FAM133B: variants seen among roughly 807,000 people sequenced by gnomAD.
The protein encoded by FAM133B is protein FAM133B.
In FAM133B, 25 loss-of-function variants were observed where a neutral mutation model predicts 46.4. The observed-to-expected ratio is 0.54, with a 90% CI of 0.39 to 0.75. The LOEUF (loss-of-function observed/expected upper bound fraction) is 0.75, where lower values mean the gene tolerates loss of function less well. Among genes scored for constraint, FAM133B ranks in the 30% least tolerant of loss-of-function variants. The pLI is 0.00. For missense variants in FAM133B, 205 were observed against 277.6 expected, an observed-to-expected ratio of 0.74 and a Z score of 1.86; for synonymous variants, 75 against 86.0, an observed-to-expected ratio of 0.87 and a Z score of 0.71.
intron 2 of FAM133B, among the ~76,000 whole-genome samples, chr7:92,580,115 C>T (rs1794823682): frequency 6.6e-6 from 1 of 152,032 alleles, no homozygotes; most frequent in African/African-American, 2.4e-5. Context: ...GCTCTGTCAC[C>T]CAAGCTAGAA....
chr7:92,569,194 C>T (rs1016567326), intron 9 of FAM133B, among the ~76,000 whole-genome samples: 4 of 152,136 alleles, frequency 2.6e-5, no homozygotes, highest in Admixed American at 1.3e-4. Flanking sequence ...GTATGTTGAT[C>T]GCTAAAGAAA....
intron 9 of FAM133B, among the ~76,000 whole-genome samples, chr7:92,568,326 T>G (rs899914178): frequency 1.3e-5 from 2 of 152,064 alleles, no homozygotes; most frequent in Non-Finnish European, 2.9e-5. Flanking sequence ...CATTTTGTTT[T>G]TTCTTAAGAT....
Position 92,577,213 on chromosome 7 carries a change from A to G in FAM133B, c.373-18T>C, listed in dbSNP as rs1032684030. ...TTCTTATCCTACATAAAATATTTTTAGAAACATTTGCTTTCTGTCTCAAAA... is the reference window on the plus strand; with the variant it reads ...TTCTTATCCTACATAAAATATTTTTGGAAACATTTGCTTTCTGTCTCAAAA... On this transcript the variant is annotated intron_variant, in intron 6 of 10. Transcript: ENST00000445716. The G allele has an allele frequency of 6.3e-6, 9 of 1,422,122 alleles. No individual in the cohort carries two copies. The African/African-American group carries it at 1.2e-4, about 19-fold the overall frequency. 88.1% of individuals were successfully genotyped at this position (1,422,122 alleles called of 1,614,324 possible). A position where few individuals can be genotyped will look rare whatever the true frequency, so the allele number is the denominator to read the frequency against.
chr7:92,581,405 C>G (rs1794865931), intron 2 of FAM133B, 101 bp downstream of exon 2: 2 of 902,978 alleles, frequency 2.2e-6, no homozygotes, highest in South Asian at 3.3e-5. Context: ...AATTACTTAT[C>G]TGGCAATTGC....
In FAM133B at chr7:92,590,360, G is replaced by T; in HGVS notation, c.-69C>A. 2 of 1,608,292 alleles carry T rather than the reference G, an allele frequency of 1.2e-6. No individual in the cohort carries two copies. Among genetic ancestry groups the T allele is most frequent in the Admixed American group, 1.7e-5 (1 of 59,548 alleles). Reference sequence around the variant, plus strand: ...CCGGAGAGACTGCCGAAGAGGGCCTGCCGCAGGTCCTCTTGCCGCCTCCCC... The same window carrying T: ...CCGGAGAGACTGCCGAAGAGGGCCTTCCGCAGGTCCTCTTGCCGCCTCCCC... On this transcript the variant is annotated 5_prime_UTR_variant, in exon 1 of 11. Transcript: ENST00000445716.
chr7:92,571,280 G>A (rs150063096), intron 8 of FAM133B, among the ~76,000 whole-genome samples: 22 of 152,172 alleles, frequency 1.4e-4, no homozygotes, highest in African/African-American at 4.3e-4. Flanking sequence ...TTTATCAATC[G>A]TATCAGAGAA....
chr7:92,572,197 T>G (rs1050495305), intron 8 of FAM133B, among the ~76,000 whole-genome samples: 1 of 152,136 alleles, frequency 6.6e-6, no homozygotes, highest in Non-Finnish European at 1.5e-5. Context: ...GCAAAGAAAA[T>G]GAAATATGAA....
chr7:92,566,468 GAA>G (rs113291114), intron 9 of FAM133B, among the ~76,000 whole-genome samples: 2 of 138,320 alleles, frequency 1.4e-5, no homozygotes, highest in Admixed American at 7.3e-5. Flanking sequence ...TCTCTACCAA[GAA>G]AAAAAAAAAA....
At chr7:92,584,005 G>C (rs184887676) in intron 1 of FAM133B, among the ~76,000 whole-genome samples, 3 of 133,550 alleles carry the variant, frequency 2.2e-5, no homozygotes, top group Non-Finnish European at 4.6e-5. Context: ...AGCTGAGATT[G>C]TGCCACTTCA....
chr7:92,570,342 C>T (rs558537811), intron 8 of FAM133B, among the ~76,000 whole-genome samples: 2 of 151,854 alleles, frequency 1.3e-5, no homozygotes, highest in African/African-American at 2.4e-5. Context: ...ATTCCTTTAG[C>T]GCAAAGTGTT....
intron 3 of FAM133B, among the ~76,000 whole-genome samples, chr7:92,578,836 A>C (rs914984987): frequency 3.9e-5 from 6 of 152,126 alleles, no homozygotes; most frequent in African/African-American, 9.7e-5. Flanking sequence ...GCTTGAGCTC[A>C]GAAGTTGGAG....
At chr7:92,565,748 A>G (rs1450999732) in intron 10 of FAM133B, 3 of 413,064 alleles carry the variant, frequency 7.3e-6, no homozygotes, top group Non-Finnish European at 1.3e-5. Flanking sequence ...CAGGCGTGAG[A>G]CACAGCGCCC....
rs1794477850 is a variant in FAM133B, at chr7:92,569,914, T to G, written c.518A>C (p.Asp173Ala). 1.5e-6 allele frequency: 2 copies of G among 1,325,614 alleles called. No homozygotes were observed. Among genetic ancestry groups the G allele is most frequent in the Admixed American group, 3.4e-5 (1 of 29,198 alleles). The allele number at this position is 1,325,614 out of a possible 1,614,324, so 82.1% of individuals were successfully genotyped here. ...KSKDGTEKEK[D>A]IKGLSKKRKM... ...TCTCTTTTTGCTGAGTCCTTTAATA[T>G]CCTATGAAAAATAAATACATTTATC... The change falls in exon 9 of 11, where the codon GAT (aspartate) becomes GCT (alanine). Residue 173 changes from aspartate to alanine, a missense_variant and splice_region_variant. Transcript: ENST00000445716.
intron 9 of FAM133B, among the ~76,000 whole-genome samples, chr7:92,568,095 T>A (rs1039724636): frequency 3.0e-4 from 45 of 152,084 alleles, no homozygotes; most frequent in African/African-American, 1.0e-3. Flanking sequence ...AAAATTTTTT[T>A]ATTTTTTTAA....
chr7:92,590,360 G>C lies in FAM133B; in HGVS notation c.-69C>G. ...CCGGAGAGACTGCCGAAGAGGGCCT[G>C]CCGCAGGTCCTCTTGCCGCCTCCCC... On this transcript the variant is annotated 5_prime_UTR_variant, in exon 1 of 11. Coordinates refer to ENST00000445716, the MANE Select transcript of FAM133B (RefSeq NM_152789.4). The C allele has an allele frequency of 6.2e-7, 1 of 1,608,292 alleles. No individual in the cohort carries two copies. The highest frequency in any genetic ancestry group is 1.7e-5 in the Admixed American group (1 of 59,548).
At position 92,581,589 on chromosome 7, in the gene FAM133B, T is replaced by C. The variant is rs1360705536; in HGVS notation, c.39A>G (p.Pro13=). The part of the protein sequence containing the change: ...KRDNRVAYMN[P]IAMARSRGPI... ...GACCCCTTGATCTCGCCATTGCTAT[T>C]GGGTTCATATAGGCCTTGGGGAAAG... Residue 13 remains proline, a synonymous_variant, in exon 2 of 11, where the codon CCA becomes CCG. Transcript: ENST00000445716. 2 of 1,613,820 alleles carry C rather than the reference T, an allele frequency of 1.2e-6. No homozygotes were observed. The highest frequency in any genetic ancestry group is 2.2e-5 in the East Asian group (1 of 44,864).
rs114175496 is a variant in FAM133B at position 92,584,089 on chromosome 7, T to C, written c.25-2486A>G. ...AAAAAAAAAAGAAAGGGTCTTGCTC[T>C]TTTGCCCAGGCTGGAGTACAGTGGT... On this transcript the variant is annotated intron_variant, in intron 1 of 10. Transcript: ENST00000445716. Among the ~76,000 whole-genome samples, 1,329 of 149,826 alleles carry C rather than the reference T, an allele frequency of 8.9e-3. 18 individuals carry two copies. The highest frequency in any genetic ancestry group is 0.031 in the African/African-American group (1,248 of 40,658).
chr7:92,578,281 T>C lies in FAM133B; in HGVS notation c.276+38A>G, dbSNP rs2116406100. ...CAGCATTATTATGAAAATCCAACTATGAGATTAAGAATAGCAATAAACTAA... is the reference window on the plus strand; with the variant it reads ...CAGCATTATTATGAAAATCCAACTACGAGATTAAGAATAGCAATAAACTAA... On this transcript the variant is annotated intron_variant, in intron 4 of 10. Coordinates refer to ENST00000445716, the MANE Select transcript of FAM133B (RefSeq NM_152789.4). 4.4e-6 allele frequency: 7 copies of C among 1,598,700 alleles called. No individual in the cohort carries two copies. In the Admixed American group the frequency reaches 5.0e-5, roughly 11 times the overall value.
At chr7:92,564,792 T>C (rs1409112893) in intron 10 of FAM133B, among the ~76,000 whole-genome samples, 1 of 152,236 alleles carries the variant, frequency 6.6e-6, no homozygotes, top group Admixed American at 6.5e-5. Context: ...ATTGTTGGCA[T>C]TACTCTTTGA....
Sources: gnomAD v4.1 joint callset for allele counts (sites outside exome capture counted in the v4.1 genomes callset) on GRCh38, gnomAD v4.1.1 for gene constraint, MANE v1.5 for transcripts, NCBI Gene and HGNC (gene_info 2026-07-23, HGNC 2026-07-21) for gene names.